Variants in PAH observed in about 807,000 individuals in gnomAD.
The protein encoded by PAH is phenylalanine-4-hydroxylase.
In PAH, 64 loss-of-function variants were observed where a neutral mutation model predicts 62.0. The observed-to-expected ratio is 1.03, with a 90% CI of 0.84 to 1.27. PAH has a LOEUF of 1.27. Among genes scored for constraint, PAH ranks in the 50% most tolerant of loss-of-function variants. PAH has a pLI of 0.00. For missense variants in PAH, 579 were observed against 542.8 expected (o/e 1.07, Z -0.66); for synonymous variants, 195 against 196.2 (o/e 0.99, Z 0.05).
At chr12:102,928,457 G>A (rs1008408927) in intron 1 of PAH, among the ~76,000 whole-genome samples, 3 of 152,110 alleles carry the variant, frequency 2.0e-5, no homozygotes, top group African/African-American at 7.2e-5. Flanking sequence ...TGTCAGGGCT[G>A]GAGAAAGTCC....
intron 8 of PAH, among the ~76,000 whole-genome samples, chr12:102,849,087 T>C (rs1437021887): frequency 1.3e-5 from 2 of 152,136 alleles, no homozygotes; most frequent in African/African-American, 4.8e-5. Context: ...GGATGAGAAA[T>C]GATAGTGGCT....
chr12:102,903,426 T>A, intron 2 of PAH, among the ~76,000 whole-genome samples: 1 of 150,172 alleles, frequency 6.7e-6, no homozygotes, highest in Non-Finnish European at 1.5e-5. Context: ...TATGGAGCAA[T>A]AATCACAACT....
At position 102,867,874 on chromosome 12, in the gene PAH, TATATACATGTATATACATATATAGATGTA is replaced by T. The variant is rs1876052654; in HGVS notation, c.442-1240_442-1212del. ...CTATGTATATACATATATAGATGTA[TATATACATGTATATACATATATAGATGTA>T]TATATACATGTATATACATATATAG... On this transcript the variant is annotated intron_variant, in intron 4 of 12. Transcript: ENST00000553106. Among the ~76,000 whole-genome samples the T allele has an allele frequency of 3.6e-5, 5 of 139,182 alleles. 1 individual carries two copies. The South Asian group carries it at 1.2e-3, about 33-fold the overall frequency. 91.3% of individuals were successfully genotyped at this position (139,182 alleles called of 152,430 possible).
intron 4 of PAH, among the ~76,000 whole-genome samples, chr12:102,870,189 G>T (rs1876238968): frequency 6.6e-6 from 1 of 152,126 alleles, no homozygotes; most frequent in Non-Finnish European, 1.5e-5. Flanking sequence ...ATATGGAAAA[G>T]TCTTGAGTAT....
rs567204086 is a variant in PAH at position 102,938,016 on chromosome 12, C to T, written c.-96+12573G>A. On this transcript the variant is annotated intron_variant, in intron 1 of 3. Coordinates refer to the PAH transcript ENST00000546844. Reference sequence around the variant, plus strand: ...TGACCGAAGCAGCTACTGTGCACCGCTCTCATGGAATGGAGATAAAGTTGT... The same window carrying T: ...TGACCGAAGCAGCTACTGTGCACCGTTCTCATGGAATGGAGATAAAGTTGT... Among the ~76,000 whole-genome samples, 6 of 152,316 alleles carry T rather than the reference C, an allele frequency of 3.9e-5. No homozygotes were observed. The South Asian group carries it at 1.2e-3, about 32-fold the overall frequency.
chr12:102,934,278 CT>C (rs1460208959), intron 1 of PAH, among the ~76,000 whole-genome samples: 2 of 151,932 alleles, frequency 1.3e-5, no homozygotes, highest in Non-Finnish European at 2.9e-5. Context: ...TCTTCCATTG[CT>C]CTGTGTGTCT....
intron 2 of PAH, 41 bp downstream of exon 2, chr12:102,912,750 G>T: frequency 1.5e-6 from 2 of 1,329,154 alleles, no homozygotes; most frequent in Non-Finnish European, 2.2e-6. Flanking sequence ...ATGGAAGTTT[G>T]CTACGACATT....
At chr12:102,868,676 T>A (rs1204006265) in intron 4 of PAH, among the ~76,000 whole-genome samples, 4 of 148,310 alleles carry the variant, frequency 2.7e-5, no homozygotes, top group South Asian at 2.1e-4. Flanking sequence ...AAAAAAAAAA[T>A]AAAACTGGGC....
chr12:102,885,658 C>T (rs1294467379), intron 3 of PAH, among the ~76,000 whole-genome samples: 1 of 152,168 alleles, frequency 6.6e-6, no homozygotes, highest in Non-Finnish European at 1.5e-5. Context: ...GTGGCTGGCT[C>T]AGGAGCACCA....
In PAH at chr12:102,837,940, C is replaced by T. The variant is rs1198758285; in HGVS notation, c.*1235G>A. On this transcript the variant is annotated 3_prime_UTR_variant, in exon 13 of 13. Coordinates refer to ENST00000553106, the MANE Select transcript of PAH (RefSeq NM_000277.3). ...CAAATTGGGTGGAGCTGGGAAGGTA[C>T]CCAGAATTTGCTGTTGATGATACTA... is the stretch of plus-strand genomic sequence containing the variant. The T allele has an allele frequency of 1.3e-5, 2 of 152,116 alleles. No homozygotes were observed. Among genetic ancestry groups the T allele is most frequent in the African/African-American group, 2.4e-5 (1 of 41,440 alleles). 9.4% of individuals were successfully genotyped at this position (152,116 alleles called of 1,614,324 possible).
chr12:102,914,154 G>A (rs1426114119), intron 1 of PAH, among the ~76,000 whole-genome samples: 1 of 152,180 alleles, frequency 6.6e-6, no homozygotes, highest in Non-Finnish European at 1.5e-5. Flanking sequence ...AAACTGAGGT[G>A]TGAAGGAAAA....
At chr12:102,852,234 T>G (rs1030682844) in intron 7 of PAH, 1 of 199,332 alleles carries the variant, frequency 5.0e-6, no homozygotes, top group African/African-American at 2.3e-5. Context: ...AAACCTACAT[T>G]TATTTAACAC....
intron 1 of PAH, among the ~76,000 whole-genome samples, chr12:102,916,811 A>C (rs997915882): frequency 6.6e-6 from 1 of 152,224 alleles, no homozygotes; most frequent in East Asian, 1.9e-4. Flanking sequence ...AATTGGTGGC[A>C]GTTCTGGAGG....
intron 4 of PAH, among the ~76,000 whole-genome samples, chr12:102,871,527 C>A (rs1225678657): frequency 6.6e-6 from 1 of 152,144 alleles, no homozygotes; most frequent in Non-Finnish European, 1.5e-5. Flanking sequence ...GATGGTCTCA[C>A]ATATGTTAAT....
Position 102,946,194 on chromosome 12 carries a change from C to T in PAH, c.-96+4395G>A, listed in dbSNP as rs536475125. ...CCTCAAACAGAGGGAAGGAGTCTCT[C>T]CTGGAGCTGTGAGCTGTGCTGCCAG... On this transcript the variant is annotated intron_variant, in intron 1 of 3. Coordinates refer to the PAH transcript ENST00000546844. Among the ~76,000 whole-genome samples the T allele has an allele frequency of 1.9e-3, 284 of 152,306 alleles. 2 individuals are homozygous for T. Among genetic ancestry groups the T allele is most frequent in the Middle Eastern group, 3.4e-3 (1 of 294 alleles).
rs1332687457 is a variant in PAH at position 102,840,632 on chromosome 12, G to A, written c.1200-117C>T. On this transcript the variant is annotated intron_variant, in intron 11 of 12. Coordinates refer to ENST00000553106, the MANE Select transcript of PAH (RefSeq NM_000277.3). ...GGAACACGGACACCTCCCTAGAGCA[G>A]GGTCTTCAACAGCCAGGGCTGAGGC... 7.9e-6 allele frequency: 6 copies of A among 756,338 alleles called. No homozygotes were observed. The African/African-American group carries it at 8.6e-5, about 11-fold the overall frequency. The allele number at this position is 756,338 out of a possible 1,614,324, so 46.9% of individuals were successfully genotyped here. A position where few individuals can be genotyped will look rare whatever the true frequency, so the allele number is the denominator to read the frequency against.
chr12:102,836,897 T>C lies in PAH; in HGVS notation c.*2278A>G, dbSNP rs1224165310. 6.6e-6 allele frequency: 1 copy of C among 152,240 alleles called. No individual in the cohort carries two copies. The highest frequency in any genetic ancestry group is 6.5e-5 in the Admixed American group (1 of 15,286). The allele number at this position is 152,240 out of a possible 1,614,324, so 9.4% of individuals were successfully genotyped here. ...AATAAAGTCAAGGTTTCTGTTTTTA[T>C]AAAGCTGACATTTTATTGGTGGATT... On this transcript the variant is annotated 3_prime_UTR_variant, in exon 13 of 13. Transcript: ENST00000553106.
chr12:102,948,088 C>G (rs535337527), intron 1 of PAH, among the ~76,000 whole-genome samples: 1 of 152,310 alleles, frequency 6.6e-6, no homozygotes, highest in South Asian at 2.1e-4. Context: ...ATAAATGAAA[C>G]TGTGGGTGTT....
chr12:102,873,765 A>T (rs80314076), intron 4 of PAH, among the ~76,000 whole-genome samples: 4,661 of 152,302 alleles, frequency 0.031, 93 homozygotes, highest in Non-Finnish European at 0.045. Context: ...ATTTCATTAA[A>T]AAGAGTTCCG....
Sources: allele counts gnomAD v4.1 joint callset (sites outside exome capture counted in the v4.1 genomes callset), GRCh38; gene constraint gnomAD v4.1.1; transcripts MANE v1.5; gene names NCBI Gene and HGNC (gene_info 2026-07-23, HGNC 2026-07-21).